Variants in VPS13B observed in about 807,000 individuals in gnomAD.
The protein encoded by VPS13B is intermembrane lipid transfer protein VPS13B.
A neutral mutation model predicts 426.4 loss-of-function variants in VPS13B; 285 were observed. The observed-to-expected ratio is 0.67, with a 90% CI of 0.61 to 0.74. The LOEUF is 0.74. Ranked by LOEUF, VPS13B falls within the 30% of genes least tolerant of loss-of-function variation. VPS13B has a pLI of 0.00. For synonymous variants in VPS13B, 1,676 were observed against 1,676.4 expected (o/e 1.00, Z 0.01); for missense variants, 4,537 against 4,782.6 (o/e 0.95, Z 1.51).
intron 42 of VPS13B, among the ~76,000 whole-genome samples, chr8:99,781,622 T>C (rs972810102): frequency 3.3e-5 from 5 of 152,152 alleles, no homozygotes; most frequent in African/African-American, 1.2e-4. Flanking sequence ...CTTTGAATAT[T>C]CTTTAGAAAA....
At chr8:99,211,811 A>T (rs1243971944) in intron 17 of VPS13B, among the ~76,000 whole-genome samples, 1 of 152,126 alleles carries the variant, frequency 6.6e-6, no homozygotes, top group Non-Finnish European at 1.5e-5. Flanking sequence ...TTGGTTCAGT[A>T]CTTTTGTTCT....
intron 43 of VPS13B, among the ~76,000 whole-genome samples, chr8:99,803,644 T>A (rs1813245451): frequency 6.6e-6 from 1 of 152,198 alleles, no homozygotes; most frequent in South Asian, 2.1e-4. Context: ...AGTCATTACC[T>A]AGAAATTTTT....
At chr8:99,177,480 T>G (rs1380695282) in intron 16 of VPS13B, among the ~76,000 whole-genome samples, 1 of 152,226 alleles carries the variant, frequency 6.6e-6, no homozygotes, top group African/African-American at 2.4e-5. Context: ...GTAAATAGTA[T>G]GTATCTTTAT....
At chr8:99,706,207 G>T (rs1430918308) in intron 36 of VPS13B, among the ~76,000 whole-genome samples, 1 of 152,140 alleles carries the variant, frequency 6.6e-6, no homozygotes, top group African/African-American at 2.4e-5. Flanking sequence ...AGCACTGCCT[G>T]TAATGGATTA....
chr8:99,553,759 C>G (rs999563983), intron 30 of VPS13B, among the ~76,000 whole-genome samples: 1 of 151,834 alleles, frequency 6.6e-6, no homozygotes, highest in African/African-American at 2.4e-5. Context: ...TTTATATACT[C>G]AAATATTATA....
In VPS13B at chr8:99,517,860, G is replaced by A. The variant is rs563130704; in HGVS notation, c.4634-3039G>A. ...AAAAGAGAAGCTGATTTTTTTTTGC[G>A]GTGATAAAGTAACTGAAGAAATGAC... On this transcript the variant is annotated intron_variant, in intron 29 of 61. Coordinates refer to ENST00000357162, the MANE Select transcript of VPS13B (RefSeq NM_152564.5). Among the ~76,000 whole-genome samples the A allele has an allele frequency of 9.3e-5, 14 of 150,534 alleles. No individual in the cohort carries two copies. In the South Asian group the frequency reaches 2.3e-3, roughly 25 times the overall value.
At chr8:99,044,084 C>CTTTTTTTTTTTTTTT (rs5893476) in intron 3 of VPS13B, among the ~76,000 whole-genome samples, 2 of 98,930 alleles carry the variant, frequency 2.0e-5, no homozygotes, top group Non-Finnish European at 3.7e-5. Flanking sequence ...TTCTTTCTTT[C>CTTTTTTTTTTTTTTT]TTTTTTTTTT....
intron 3 of VPS13B, among the ~76,000 whole-genome samples, chr8:99,044,431 T>TG (rs397813328): frequency 0.029 from 4,338 of 150,030 alleles, 81 homozygotes; most frequent in South Asian, 0.087. Context: ...TGTGTGTGTG[T>TG]TTTTTTAATT....
At chr8:99,591,242 C>G (rs1207793945) in intron 33 of VPS13B, among the ~76,000 whole-genome samples, 1 of 133,950 alleles carries the variant, frequency 7.5e-6, no homozygotes, top group Non-Finnish European at 1.5e-5. Flanking sequence ...CTATGTGTGT[C>G]TCTGCATTTG....
intron 50 of VPS13B, among the ~76,000 whole-genome samples, chr8:99,823,171 G>A (rs1283608683): frequency 6.6e-6 from 1 of 152,162 alleles, no homozygotes; most frequent in Non-Finnish European, 1.5e-5. Flanking sequence ...CAACCCCCTA[G>A]TTAGACCCTC....
chr8:99,444,925 A>G (rs897120239), intron 23 of VPS13B, among the ~76,000 whole-genome samples: 1 of 152,030 alleles, frequency 6.6e-6, no homozygotes, highest in Non-Finnish European at 1.5e-5. Flanking sequence ...CTGGGATTAT[A>G]GGTATTAGTC....
At chr8:99,429,864 A>G (rs996196398) in intron 21 of VPS13B, among the ~76,000 whole-genome samples, 7 of 152,134 alleles carry the variant, frequency 4.6e-5, no homozygotes, top group African/African-American at 1.7e-4. Context: ...CAGTTCCCTC[A>G]AGTAAAAACC....
chr8:99,297,161 T>C (rs1820085507), intron 19 of VPS13B, among the ~76,000 whole-genome samples: 1 of 152,188 alleles, frequency 6.6e-6, no homozygotes, highest in African/African-American at 2.4e-5. Flanking sequence ...CTTATTGATC[T>C]GAAATTCTGA....
At chr8:99,552,581 T>G (rs951499206) in intron 30 of VPS13B, among the ~76,000 whole-genome samples, 1 of 151,782 alleles carries the variant, frequency 6.6e-6, no homozygotes, top group Admixed American at 6.6e-5. Flanking sequence ...TATTTTGTTT[T>G]TTTTTTTTTC....
At position 99,720,925 on chromosome 8, in the gene VPS13B, G is replaced by A; in HGVS notation, c.6928G>A (p.Gly2310Arg). 1 of 1,613,980 alleles carries A rather than the reference G, an allele frequency of 6.2e-7. No homozygotes were observed. Among genetic ancestry groups the A allele is most frequent in the Non-Finnish European group, 8.5e-7 (1 of 1,179,928 alleles). Residue 2310 changes from glycine to arginine, a missense_variant, in exon 39 of 62, where the codon GGG becomes AGG. Gly to Arg is a moderately radical substitution (Grantham distance 125, BLOSUM62 -2). Transcript: ENST00000357162. ...TTATAATGAAACTGAAGATTGCCCA[G>A]GGATGATGTTATGGAGATATCCAGA... ...LFYNETEDCP[G>R]MMLWRYPEPR...
At chr8:99,276,156 G>T (rs945078027) in intron 19 of VPS13B, among the ~76,000 whole-genome samples, 1 of 152,120 alleles carries the variant, frequency 6.6e-6, no homozygotes, top group Admixed American at 6.6e-5. Context: ...GGTAAATATT[G>T]AATAAAGCAG....
At chr8:99,423,179 T>A (rs1367644402) in intron 21 of VPS13B, among the ~76,000 whole-genome samples, 1 of 152,214 alleles carries the variant, frequency 6.6e-6, no homozygotes, top group Non-Finnish European at 1.5e-5. Flanking sequence ...TTTTATAAAT[T>A]GTTTGCATGC....
chr8:99,844,723 TATC>T (rs1221695879), intron 54 of VPS13B, among the ~76,000 whole-genome samples: 1 of 152,168 alleles, frequency 6.6e-6, no homozygotes, highest in African/African-American at 2.4e-5. Flanking sequence ...TGCCTTCTAA[TATC>T]ATCACATTGG....
At chr8:99,680,496 TCATTC>T (rs1379050047) in intron 35 of VPS13B, among the ~76,000 whole-genome samples, 1 of 152,242 alleles carries the variant, frequency 6.6e-6, no homozygotes, top group African/African-American at 2.4e-5. Flanking sequence ...AACTCAATAG[TCATTC>T]CATCATTCTG....
Sources: gnomAD v4.1 joint callset for allele counts (sites outside exome capture counted in the v4.1 genomes callset) on GRCh38, gnomAD v4.1.1 for gene constraint, MANE v1.5 for transcripts, NCBI Gene and HGNC (gene_info 2026-07-23, HGNC 2026-07-21) for gene names.